Variants in HPSE observed in about 807,000 individuals in gnomAD.
The protein encoded by HPSE is heparanase.
HPSE carries 48 observed loss-of-function variants against 65.1 expected under a neutral mutation model. The observed-to-expected ratio is 0.74, with a 90% CI of 0.58 to 0.94. HPSE has a LOEUF of 0.94. Ranked by LOEUF, HPSE falls within the 40% of genes least tolerant of loss-of-function variation. HPSE has a pLI of 0.00. For missense variants in HPSE, 644 were observed against 637.5 expected (o/e 1.01, Z -0.11); for synonymous variants, 243 against 260.0 (o/e 0.93, Z 0.63).
At chr4:83,300,441 G>C (rs1735896336) in intron 11 of HPSE, among the ~76,000 whole-genome samples, 1 of 152,152 alleles carries the variant, frequency 6.6e-6, no homozygotes, top group Admixed American at 6.5e-5. Flanking sequence ...ATTTTGAAAT[G>C]CAAACTTATT....
chr4:83,305,049 T>C (rs986572126), intron 9 of HPSE, among the ~76,000 whole-genome samples: 1 of 152,212 alleles, frequency 6.6e-6, no homozygotes, highest in African/African-American at 2.4e-5. Context: ...GTCACAGACA[T>C]GTAGAGTGAG....
At chr4:83,309,252 TA>T in intron 7 of HPSE, 149 bp downstream of exon 7, 1 of 613,930 alleles carries the variant, frequency 1.6e-6, no homozygotes, top group Non-Finnish European at 2.9e-6. Context: ...GACCCAATGC[TA>T]AGGGGAAAAC....
intron 3 of HPSE, among the ~76,000 whole-genome samples, chr4:83,318,770 A>T (rs1031899416): frequency 4.6e-5 from 7 of 151,960 alleles, no homozygotes; most frequent in Non-Finnish European, 7.4e-5. Flanking sequence ...CCATGTGACA[A>T]TGTCATCCTA....
intron 11 of HPSE, among the ~76,000 whole-genome samples, chr4:83,299,420 G>A (rs533936455): frequency 6.7e-6 from 1 of 149,646 alleles, no homozygotes; most frequent in Non-Finnish European, 1.5e-5. Flanking sequence ...CAGAGGCTAT[G>A]TTGGAAAGGC....
At position 83,301,109 on chromosome 4, in the gene HPSE, A is replaced by G. The variant is rs554598912; in HGVS notation, c.1326-3T>C. ...AATCTCCTTCTTTATACCTTGGACT[A>G]AAAGCAAAGAGGTTAACTTAATAGA... On this transcript the variant is annotated splice_polypyrimidine_tract_variant and splice_region_variant and intron_variant, in intron 10 of 11. Coordinates refer to ENST00000311412, the MANE Select transcript of HPSE (RefSeq NM_001098540.3). The G allele has an allele frequency of 1.9e-6, 3 of 1,562,666 alleles. No homozygotes were observed. The highest frequency in any genetic ancestry group is 2.3e-5 in the East Asian group (1 of 44,122).
chr4:83,322,789 T>TGTGTGTGTGTG (rs1560514324), intron 1 of HPSE, among the ~76,000 whole-genome samples: 1 of 104,004 alleles, frequency 9.6e-6, no homozygotes, highest in African/African-American at 3.7e-5. Flanking sequence ...AAGAGCTTGT[T>TGTGTGTGTGTG]TGTGTGTGTG....
At chr4:83,297,172 T>C (rs1033666340) in intron 11 of HPSE, among the ~76,000 whole-genome samples, 6 of 152,200 alleles carry the variant, frequency 3.9e-5, no homozygotes, top group Non-Finnish European at 8.8e-5. Context: ...TTTACAGGTT[T>C]GTAGCCTAGG....
intron 3 of HPSE, among the ~76,000 whole-genome samples, chr4:83,316,342 A>AC (rs1413323348): frequency 1.4e-5 from 1 of 70,402 alleles, no homozygotes; most frequent in Non-Finnish European, 3.6e-5. Context: ...TACTTTAAAA[A>AC]AAAAAAACAA....
intron 9 of HPSE, 61 bp downstream of exon 9, chr4:83,306,142 C>A (rs1193718693): frequency 5.2e-6 from 5 of 952,966 alleles, no homozygotes; most frequent in Admixed American, 1.7e-5. Context: ...AGGTTAACAC[C>A]AGAGGTCCTG....
At chr4:83,318,393 G>A (rs1736738432) in intron 3 of HPSE, among the ~76,000 whole-genome samples, 1 of 152,160 alleles carries the variant, frequency 6.6e-6, no homozygotes, top group Admixed American at 6.6e-5. Context: ...GGGAGGCTGA[G>A]GTGGGTGGAT....
At chr4:83,317,737 C>T (rs750471259) in intron 3 of HPSE, among the ~76,000 whole-genome samples, 35 of 152,142 alleles carry the variant, frequency 2.3e-4, no homozygotes, top group Non-Finnish European at 2.2e-4. Context: ...CCTATATCTT[C>T]CGGGACATGT....
At chr4:83,334,309 A>G (rs546840640) in intron 1 of HPSE, among the ~76,000 whole-genome samples, 1 of 152,132 alleles carries the variant, frequency 6.6e-6, no homozygotes, top group Non-Finnish European at 1.5e-5. Flanking sequence ...CAATATACCC[A>G]TGGAACAGAA....
In HPSE at chr4:83,334,803, C is replaced by A. The variant is rs998525630; in HGVS notation, c.-21G>T. 1.7e-5 allele frequency: 25 copies of A among 1,491,570 alleles called. No individual in the cohort carries two copies. The highest frequency in any genetic ancestry group is 2.2e-5 in the Non-Finnish European group (25 of 1,120,728). The allele number at this position is 1,491,570 out of a possible 1,614,324, so 92.4% of individuals were successfully genotyped here. A position where few individuals can be genotyped will look rare whatever the true frequency, so the allele number is the denominator to read the frequency against. Reference sequence around the variant, plus strand: ...AGCATCTTGGGCTCACCTGGCTGCTCCCCCCGCCAGCTGCCGCGCAGCGGA... The same window carrying A: ...AGCATCTTGGGCTCACCTGGCTGCTACCCCCGCCAGCTGCCGCGCAGCGGA... On this transcript the variant is annotated 5_prime_UTR_variant, in exon 1 of 12. Transcript: ENST00000311412.
At chr4:83,324,740 C>A (rs1737072415) in intron 1 of HPSE, among the ~76,000 whole-genome samples, 1 of 151,794 alleles carries the variant, frequency 6.6e-6, no homozygotes, top group African/African-American at 2.4e-5. Context: ...TGGTACAAAC[C>A]CAAATAAAAA....
At chr4:83,319,110 G>C (rs556377553) in intron 3 of HPSE, among the ~76,000 whole-genome samples, 1 of 152,226 alleles carries the variant, frequency 6.6e-6, no homozygotes, top group Admixed American at 6.5e-5. Context: ...GTTAGATCAT[G>C]AATGATTGAT....
intron 2 of HPSE, 99 bp downstream of exon 2, chr4:83,322,120 C>A: frequency 1.1e-6 from 1 of 949,062 alleles, no homozygotes; most frequent in Non-Finnish European, 1.6e-6. Flanking sequence ...AAGTTAATCT[C>A]ATTAATTGTT....
In HPSE at chr4:83,323,194, A is replaced by G. The variant is rs1170884813; in HGVS notation, c.228-830T>C. Among the ~76,000 whole-genome samples the G allele has an allele frequency of 7.9e-5, 12 of 152,240 alleles. No individual in the cohort carries two copies. The East Asian group carries it at 2.3e-3, about 29-fold the overall frequency. On this transcript the variant is annotated intron_variant, in intron 1 of 11. Transcript: ENST00000311412. ...CAGAGAGGGAGGGATGAATAGGTGG[A>G]GAACAGGGGATTTGCAGGGCACTGA...
At chr4:83,332,154 C>T (rs550386607) in intron 1 of HPSE, among the ~76,000 whole-genome samples, 1 of 152,212 alleles carries the variant, frequency 6.6e-6, no homozygotes, top group Non-Finnish European at 1.5e-5. Flanking sequence ...CTTGCCATCC[C>T]GCCCACACAT....
chr4:83,327,330 T>G (rs1372674519), intron 1 of HPSE, among the ~76,000 whole-genome samples: 5 of 152,226 alleles, frequency 3.3e-5, no homozygotes, highest in African/African-American at 7.2e-5. Context: ...ATTTCAAAGT[T>G]TTGGTATTAA....
Sources: allele counts gnomAD v4.1 joint callset (sites outside exome capture counted in the v4.1 genomes callset), GRCh38; gene constraint gnomAD v4.1.1; transcripts MANE v1.5; gene names NCBI Gene and HGNC (gene_info 2026-07-23, HGNC 2026-07-21).